The following FRY variants were observed in gnomAD, a reference collection of about 807,000 sequenced individuals.
FRY encodes protein furry homolog.
A neutral mutation model predicts 348.4 loss-of-function variants in FRY; 128 were observed. The ratio of observed to expected loss-of-function variants is 0.37; its 90% CI spans 0.32 to 0.43. The LOEUF (loss-of-function observed/expected upper bound fraction) is 0.43. Ranked by LOEUF, FRY falls within the 20% of genes least tolerant of loss-of-function variation. The pLI is 1.00. For missense variants in FRY, 2,736 were observed against 3,695.2 expected (o/e 0.74, Z 6.73); for synonymous variants, 1,370 against 1,374.7 (o/e 1.00, Z 0.08).
At chr13:32,051,505 G>A (rs1018994374) in intron 1 of FRY, among the ~76,000 whole-genome samples, 6 of 152,176 alleles carry the variant, frequency 3.9e-5, no homozygotes, top group Non-Finnish European at 1.5e-5. Flanking sequence ...TTACTCCTGA[G>A]TTTTCAGATG....
At chr13:32,155,834 T>G (rs1181819674) in intron 15 of FRY, among the ~76,000 whole-genome samples, 172 bp downstream of exon 15, 1 of 152,172 alleles carries the variant, frequency 6.6e-6, no homozygotes, top group Non-Finnish European at 1.5e-5. Flanking sequence ...TTACTGCTCT[T>G]TAAACTTTTT....
At chr13:32,212,858 G>C (rs951001169) in intron 35 of FRY, among the ~76,000 whole-genome samples, 1 of 151,982 alleles carries the variant, frequency 6.6e-6, no homozygotes, top group African/African-American at 2.4e-5. Flanking sequence ...AAAAGTCTCC[G>C]TTCCCTCCAC....
At chr13:32,181,170 G>A (rs967174746) in intron 23 of FRY, among the ~76,000 whole-genome samples, 4 of 152,080 alleles carry the variant, frequency 2.6e-5, no homozygotes, top group Admixed American at 6.5e-5. Context: ...GATTACAGGC[G>A]TGAGCCACCA....
At chr13:32,185,246 G>A in intron 26 of FRY, 98 bp downstream of exon 26, 2 of 1,021,294 alleles carry the variant, frequency 2.0e-6, no homozygotes, top group Non-Finnish European at 1.5e-6. Context: ...TGGCCTTTAT[G>A]CAGGTCTGGG....
chr13:32,093,933 T>G (rs1208098256), intron 2 of FRY, among the ~76,000 whole-genome samples: 2 of 152,226 alleles, frequency 1.3e-5, no homozygotes, highest in African/African-American at 4.8e-5. Context: ...CAAAGACAAA[T>G]TTTTAAAGTA....
In FRY at chr13:32,178,257, T is replaced by C. The variant is rs61731618; in HGVS notation, c.2502T>C (p.Asp834=). 5.2e-5 allele frequency: 84 copies of C among 1,614,236 alleles called. No homozygotes were observed. The African/African-American group carries it at 9.3e-4, about 18-fold the overall frequency. The change falls in exon 21 of 61, where the codon GAT becomes GAC. Residue 834 remains aspartate, a synonymous_variant. Coordinates refer to ENST00000542859, the MANE Select transcript of FRY (RefSeq NM_023037.3). The stretch of plus-strand genomic sequence containing the variant: ...CAGTCCTGGTCAATAGCCATTATGA[T>C]GTGAAAAGCCCTTCCCATGTCTGGA... ...WNAVLVNSHY[D]VKSPSHVWIF...
chr13:32,091,968 CA>C (rs1233271485), intron 2 of FRY, among the ~76,000 whole-genome samples: 3 of 152,170 alleles, frequency 2.0e-5, no homozygotes, highest in Non-Finnish European at 4.4e-5. Context: ...TTTAAAATAG[CA>C]TCTTAAGCAA....
chr13:32,180,783 C>T (rs1317705905), intron 23 of FRY, among the ~76,000 whole-genome samples: 1 of 152,094 alleles, frequency 6.6e-6, no homozygotes, highest in Non-Finnish European at 1.5e-5. Context: ...TGAGAAACCT[C>T]CAAGCATTTA....
At chr13:32,284,880 C>T (rs569458593) in intron 58 of FRY, among the ~76,000 whole-genome samples, 1 of 152,158 alleles carries the variant, frequency 6.6e-6, no homozygotes, top group Non-Finnish European at 1.5e-5. Context: ...AGCATAGAAT[C>T]CACCTGAGAA....
rs1881124598 is a variant in FRY at position 32,156,534 on chromosome 13, G to A, written c.1652-739G>A. ...GAAAATCACTTGAACCCAGGAGACG[G>A]AGGTTGCAGTCAGCCAAGATCGCAC... On this transcript the variant is annotated intron_variant, in intron 15 of 60. Transcript: ENST00000542859. Among the ~76,000 whole-genome samples the A allele has an allele frequency of 5.3e-5, 8 of 149,896 alleles. 1 individual carries two copies. The Admixed American group carries it at 5.4e-4, about 10-fold the overall frequency.
intron 2 of FRY, among the ~76,000 whole-genome samples, chr13:32,094,620 C>G (rs562904751): frequency 6.6e-6 from 1 of 152,252 alleles, no homozygotes; most frequent in South Asian, 2.1e-4. Flanking sequence ...CAATGTTTAT[C>G]TTTCTGTGCT....
intron 4 of FRY, among the ~76,000 whole-genome samples, chr13:32,122,918 T>A (rs927880275): frequency 1.3e-5 from 2 of 150,900 alleles, no homozygotes; most frequent in Non-Finnish European, 2.9e-5. Context: ...ATCAAATCAA[T>A]AACTCAACCC....
chr13:32,150,988 T>C (rs955996806), intron 14 of FRY, among the ~76,000 whole-genome samples: 4 of 152,072 alleles, frequency 2.6e-5, no homozygotes, highest in Non-Finnish European at 5.9e-5. Context: ...TCTGGGCCAA[T>C]GGGAGGGGGC....
intron 17 of FRY, among the ~76,000 whole-genome samples, chr13:32,164,890 T>A (rs1247901017): frequency 6.6e-6 from 1 of 152,200 alleles, no homozygotes; most frequent in Non-Finnish European, 1.5e-5. Context: ...GTCCACAGGC[T>A]CCTTTCCTTG....
At chr13:32,228,423 G>A (rs749936326) in intron 39 of FRY, 33 bp from the exon 40 acceptor site, 9 of 1,523,880 alleles carry the variant, frequency 5.9e-6, no homozygotes, top group Admixed American at 1.7e-5. Flanking sequence ...ACACTGCCTA[G>A]TACATCCCTC....
chr13:32,162,826 A>T (rs541683692), intron 17 of FRY, among the ~76,000 whole-genome samples: 1 of 152,078 alleles, frequency 6.6e-6, no homozygotes, highest in South Asian at 2.1e-4. Context: ...AACTTTTGAG[A>T]CCTAGCAACC....
At chr13:32,277,899 T>C (rs1888613609) in intron 57 of FRY, among the ~76,000 whole-genome samples, 1 of 152,240 alleles carries the variant, frequency 6.6e-6, no homozygotes, top group Non-Finnish European at 1.5e-5. Context: ...TCAGTGCTCA[T>C]TGTTTTCTGC....
rs369133704 is a variant in FRY, at chr13:32,124,584, A to T, written c.556-18A>T. On this transcript the variant is annotated intron_variant, in intron 5 of 60. Transcript: ENST00000542859. Reference sequence around the variant, plus strand: ...TTTAATATTCCCTTCTGAGTTAAGAACCACCTTTTTTTTTCAGATTCCACT... The same window carrying T: ...TTTAATATTCCCTTCTGAGTTAAGATCCACCTTTTTTTTTCAGATTCCACT... 1.4e-5 allele frequency: 21 copies of T among 1,483,328 alleles called. No homozygotes were observed. Among genetic ancestry groups the T allele is most frequent in the Non-Finnish European group, 2.0e-5 (21 of 1,062,344 alleles). The allele number at this position is 1,483,328 out of a possible 1,614,324, so 91.9% of individuals were successfully genotyped here.
At chr13:32,159,056 A>C (rs1018732312) in intron 16 of FRY, among the ~76,000 whole-genome samples, 1 of 152,004 alleles carries the variant, frequency 6.6e-6, no homozygotes, top group Non-Finnish European at 1.5e-5. Flanking sequence ...ATTCAAAATC[A>C]TAAAAAGGTA....
Sources: gnomAD v4.1 joint callset for allele counts (sites outside exome capture counted in the v4.1 genomes callset) on GRCh38, gnomAD v4.1.1 for gene constraint, MANE v1.5 for transcripts, NCBI Gene and HGNC (gene_info 2026-07-23, HGNC 2026-07-21) for gene names.